Variants in NTN1 observed in about 807,000 individuals in gnomAD.
NTN1 encodes netrin-1.
A neutral mutation model predicts 54.2 loss-of-function variants in NTN1; 11 were observed. The ratio of observed to expected loss-of-function variants is 0.20; its 90% confidence interval spans 0.13 to 0.34. NTN1 has a LOEUF of 0.34. Ranked by LOEUF, NTN1 falls within the 10% of genes least tolerant of loss-of-function variation. NTN1 has a pLI of 1.00. For synonymous variants in NTN1, 371 were observed against 382.0 expected (o/e 0.97, Z 0.33); for missense variants, 740 against 893.1 (o/e 0.83, Z 2.18).
chr17:9,131,512 C>G (rs898464894), intron 2 of NTN1, among the ~76,000 whole-genome samples: 2 of 151,818 alleles, frequency 1.3e-5, no homozygotes, highest in Non-Finnish European at 2.9e-5. Flanking sequence ...CCTCCACTAG[C>G]CTCTGCCCTG....
At chr17:9,227,507 TCACACACAC>T (rs950239947) in intron 6 of NTN1, among the ~76,000 whole-genome samples, 65 of 140,544 alleles carry the variant, frequency 4.6e-4, no homozygotes, top group African/African-American at 1.7e-3. Context: ...ATACACACCA[TCACACACAC>T]CACACACATC....
the NTN1 span, among the ~76,000 whole-genome samples, chr17:9,008,227 G>A: frequency 3.9e-5 from 6 of 152,078 alleles, no homozygotes; most frequent in East Asian, 3.9e-4. Flanking sequence ...CATGATCTCT[G>A]TTTGCCCTGT....
intron 5 of NTN1, chr17:9,183,528 G>T (rs973047297): frequency 8.5e-6 from 3 of 353,572 alleles, no homozygotes; most frequent in Non-Finnish European, 1.7e-5. Context: ...AAGTCACAGC[G>T]GTTTACACAT....
Position 9,179,873 on chromosome 17 carries a change from G to T in NTN1, c.1274G>T (p.Cys425Phe). 1 of 1,614,136 alleles carries T rather than the reference G, an allele frequency of 6.2e-7. No homozygotes were observed. Among genetic ancestry groups the T allele is most frequent in the Non-Finnish European group, 8.5e-7 (1 of 1,180,038 alleles). The change falls in exon 4 of 7, where the codon TGC becomes TTC. Residue 425 changes from cysteine (C) to phenylalanine (F), a missense_variant. Physicochemically the swap from Cys to Phe is radical, Grantham distance 205. Transcript: ENST00000173229. ...AACCAAACCACCGGCCAGTGTCCCT[G>T]CAAGGACGGCGTGACGGGTATCACC... ...TCNQTTGQCPCKDGVTGITCN... is the reference protein window; with the variant it reads ...TCNQTTGQCPFKDGVTGITCN...
rs35971543 is a variant in NTN1, at chr17:9,170,861, G to GAC, written c.1207+7881_1207+7882dup. On this transcript the variant is annotated intron_variant, in intron 3 of 6. Coordinates refer to ENST00000173229, the MANE Select transcript of NTN1 (RefSeq NM_004822.3). ...CCCTATTCCTGCCCCAAGCTCTTGT[G>GAC]ACACACACACACACACACACACTCA... Among the ~76,000 whole-genome samples, 824 of 150,532 alleles carry GAC rather than the reference G, an allele frequency of 5.5e-3. 6 individuals are homozygous for GAC. Among genetic ancestry groups the GAC allele is most frequent in the South Asian group, 9.0e-3 (43 of 4,772 alleles).
rs2092323519 is a variant in NTN1, at chr17:9,150,257, GGACCCCCACTGT to G, written c.1019-12553_1019-12542del. Among the ~76,000 whole-genome samples, 4 of 152,310 alleles carry G rather than the reference GGACCCCCACTGT, an allele frequency of 2.6e-5. No homozygotes were observed. In the East Asian group the frequency reaches 7.7e-4, roughly 29 times the overall value. ...GGAAGGAGCAAGACCTCCAGTCTCT[GGACCCCCACTGT>G]GAAACTGTTTTTGTCCTGAAAGGCA... On this transcript the variant is annotated intron_variant, in intron 2 of 6. Coordinates refer to ENST00000173229, the MANE Select transcript of NTN1 (RefSeq NM_004822.3).
At chr17:9,089,516 C>G (rs1469300728) in intron 2 of NTN1, among the ~76,000 whole-genome samples, 4 of 152,116 alleles carry the variant, frequency 2.6e-5, no homozygotes, top group Non-Finnish European at 5.9e-5. Context: ...GTGACAATTT[C>G]TTGTTGATAA....
At chr17:9,083,166 T>C (rs2092077569) in intron 2 of NTN1, among the ~76,000 whole-genome samples, 1 of 152,130 alleles carries the variant, frequency 6.6e-6, no homozygotes, top group Non-Finnish European at 1.5e-5. Flanking sequence ...TGGCTTGAGC[T>C]CAGCTCACTG....
chr17:9,236,950 G>GC (rs1422171247), intron 6 of NTN1, among the ~76,000 whole-genome samples: 1 of 152,096 alleles, frequency 6.6e-6, no homozygotes, highest in East Asian at 1.9e-4. Context: ...GAGTGAGAAG[G>GC]CCCCCTGGGA....
At chr17:9,011,102 C>G in the NTN1 span, among the ~76,000 whole-genome samples, 1 of 152,144 alleles carries the variant, frequency 6.6e-6, no homozygotes, top group Non-Finnish European at 1.5e-5. Context: ...CTGTGAGAAT[C>G]TAACGCAGCT....
chr17:9,033,933 A>C (rs1386586811), intron 2 of NTN1, among the ~76,000 whole-genome samples: 1 of 151,128 alleles, frequency 6.6e-6, no homozygotes, highest in Non-Finnish European at 1.5e-5. Flanking sequence ...AAAAAAAAAA[A>C]AGAAAAAGAA....
chr17:9,115,067 G>A (rs1034318047), intron 2 of NTN1, among the ~76,000 whole-genome samples: 1 of 124,508 alleles, frequency 8.0e-6, no homozygotes, highest in African/African-American at 2.7e-5. Context: ...CGCCAGGCCG[G>A]GGGTGCAGTA....
intron 2 of NTN1, among the ~76,000 whole-genome samples, chr17:9,127,183 T>C (rs769655284): frequency 1.3e-5 from 2 of 151,872 alleles, no homozygotes; most frequent in Non-Finnish European, 2.9e-5. Flanking sequence ...AATAAGATTG[T>C]CCCGGTTGCT....
the NTN1 span, among the ~76,000 whole-genome samples, chr17:9,014,466 C>T: frequency 2.6e-5 from 4 of 152,196 alleles, no homozygotes; most frequent in Non-Finnish European, 4.4e-5. Flanking sequence ...CGCCGACCAA[C>T]CCTATAAAGG....
At chr17:9,130,274 C>T (rs979945607) in intron 2 of NTN1, among the ~76,000 whole-genome samples, 2 of 152,142 alleles carry the variant, frequency 1.3e-5, no homozygotes, top group African/African-American at 2.4e-5. Flanking sequence ...GTCCTCAGGC[C>T]AGCTCTCTGT....
At position 9,022,481 on chromosome 17, in the gene NTN1, G is replaced by T; in HGVS notation, c.108G>T (p.Ala36=). ...TCAGCATGTTCGCGGGCCAGGCGGC[G>T]CAGCCCGATCCCTGCTCGGACGAGA... ...PGLSMFAGQA[A]QPDPCSDENG... Residue 36 remains alanine, a synonymous_variant, in exon 2 of 7, where the codon GCG becomes GCT. Coordinates refer to ENST00000173229, the MANE Select transcript of NTN1 (RefSeq NM_004822.3). The T allele has an allele frequency of 1.3e-6, 2 of 1,533,660 alleles. No homozygotes were observed. The highest frequency in any genetic ancestry group is 8.7e-7 in the Non-Finnish European group (1 of 1,144,474).
rs1000955109 is a variant in NTN1, at chr17:9,034,659, G to A, written c.1018+11268G>A. On this transcript the variant is annotated intron_variant, in intron 2 of 6. Transcript: ENST00000173229. Reference sequence around the variant, plus strand: ...GCTGGTCTCGAACTCTTGACCTCAGGTGATCCACCCACCTCAGCCTCCCAA... The same window carrying A: ...GCTGGTCTCGAACTCTTGACCTCAGATGATCCACCCACCTCAGCCTCCCAA... 3.3e-5 allele frequency among the ~76,000 whole-genome samples: 5 copies of A among 152,022 alleles called. No individual in the cohort carries two copies. In the East Asian group the frequency reaches 9.7e-4, roughly 30 times the overall value.
intron 5 of NTN1, among the ~76,000 whole-genome samples, chr17:9,189,133 T>C (rs563839161): frequency 6.6e-6 from 1 of 152,306 alleles, no homozygotes; most frequent in Non-Finnish European, 1.5e-5. Flanking sequence ...CTAGGCACTG[T>C]TTCAAATGCT....
chr17:9,164,196 G>A (rs929713829), intron 3 of NTN1, among the ~76,000 whole-genome samples: 7 of 152,162 alleles, frequency 4.6e-5, no homozygotes, highest in African/African-American at 1.4e-4. Context: ...AGGCCAAGAC[G>A]GGCGGATCAC....
Sources: allele counts gnomAD v4.1 joint callset (sites outside exome capture counted in the v4.1 genomes callset), GRCh38; gene constraint gnomAD v4.1.1; transcripts MANE v1.5; gene names NCBI Gene and HGNC (gene_info 2026-07-23, HGNC 2026-07-21).